TNFSF4: variants seen among roughly 807,000 people sequenced by gnomAD.
The protein encoded by TNFSF4 is TNF superfamily member 4.
A neutral mutation model predicts 7.3 loss-of-function variants in TNFSF4; 4 were observed. The ratio of observed to expected loss-of-function variants is 0.55; its 90% confidence interval spans 0.27 to 1.25. The LOEUF is 1.25. TNFSF4 is among the 50% of genes most tolerant of loss of function. The pLI is 0.12. For missense variants in TNFSF4, 181 were observed against 208.8 expected, an observed-to-expected ratio of 0.87 and a Z score of 0.82; for synonymous variants, 76 against 83.7, an observed-to-expected ratio of 0.91 and a Z score of 0.50.
At chr1:173,314,005 G>C in the TNFSF4 span, among the ~76,000 whole-genome samples, 10,071 of 151,724 alleles carry the variant, frequency 0.066, 514 homozygotes, top group Non-Finnish European at 0.099. Flanking sequence ...ATATTTTGCT[G>C]CATTGACTTT....
At chr1:173,367,358 C>A in the TNFSF4 span, among the ~76,000 whole-genome samples, 1 of 152,220 alleles carries the variant, frequency 6.6e-6, no homozygotes, top group Admixed American at 6.5e-5. Context: ...CCAGATGAAT[C>A]AGCACAGAGG....
the TNFSF4 span, among the ~76,000 whole-genome samples, chr1:173,316,752 T>C: frequency 2.6e-5 from 4 of 152,252 alleles, no homozygotes; most frequent in Non-Finnish European, 5.9e-5. Flanking sequence ...AAAATTGACA[T>C]GTAATCATTG....
At chr1:173,352,289 A>G in the TNFSF4 span, among the ~76,000 whole-genome samples, 1 of 152,192 alleles carries the variant, frequency 6.6e-6, no homozygotes, top group South Asian at 2.1e-4. Context: ...TGCTGTGACC[A>G]TGTTAGTCAA....
At chr1:173,321,505 G>T in the TNFSF4 span, among the ~76,000 whole-genome samples, 1 of 152,060 alleles carries the variant, frequency 6.6e-6, no homozygotes, top group Non-Finnish European at 1.5e-5. Flanking sequence ...AAGAGCTTCT[G>T]TACAGCAAAA....
chr1:173,447,838 G>A, the TNFSF4 span, among the ~76,000 whole-genome samples: 1 of 151,970 alleles, frequency 6.6e-6, no homozygotes, highest in Non-Finnish European at 1.5e-5. Context: ...CATCGAGTTT[G>A]TCAAATTTGA....
the TNFSF4 span, among the ~76,000 whole-genome samples, chr1:173,220,178 GT>G: frequency 8.6e-5 from 13 of 151,790 alleles, no homozygotes; most frequent in East Asian, 3.9e-4. Flanking sequence ...TGAAAATAAA[GT>G]TTTTTTTAAA....
At chr1:173,277,962 C>T in the TNFSF4 span, among the ~76,000 whole-genome samples, 525 of 152,126 alleles carry the variant, frequency 3.5e-3, 5 homozygotes, top group African/African-American at 0.012. Context: ...AGAATGACAC[C>T]ACGAAGAATC....
the TNFSF4 span, among the ~76,000 whole-genome samples, chr1:173,298,397 G>C: frequency 6.6e-5 from 10 of 151,754 alleles, no homozygotes; most frequent in Non-Finnish European, 1.3e-4. Flanking sequence ...CAGCTGATTT[G>C]TCTGTCTATT....
At chr1:173,359,700 T>A in the TNFSF4 span, among the ~76,000 whole-genome samples, 1 of 142,426 alleles carries the variant, frequency 7.0e-6, no homozygotes, top group Admixed American at 7.4e-5. Context: ...GGATGCTCTA[T>A]CTGTCCTAAA....
chr1:173,319,421 G>A, the TNFSF4 span, among the ~76,000 whole-genome samples: 1 of 152,224 alleles, frequency 6.6e-6, no homozygotes, highest in Non-Finnish European at 1.5e-5. Context: ...AGCTTCAGCG[G>A]ATTTAATCTT....
the TNFSF4 span, among the ~76,000 whole-genome samples, chr1:173,309,686 G>A: frequency 2.9e-4 from 44 of 151,294 alleles, no homozygotes; most frequent in Non-Finnish European, 1.3e-4. Context: ...TTAATGTTAT[G>A]CTAGCCTTAT....
chr1:173,342,601 C>T, the TNFSF4 span, among the ~76,000 whole-genome samples: 1 of 152,168 alleles, frequency 6.6e-6, no homozygotes, highest in South Asian at 2.1e-4. Context: ...TTTCTCTTAT[C>T]AACTGCCTGT....
the TNFSF4 span, among the ~76,000 whole-genome samples, chr1:173,382,379 G>A: frequency 1.4e-3 from 220 of 152,232 alleles, 2 homozygotes; most frequent in African/African-American, 4.9e-3. Context: ...AACACTCACC[G>A]TGAGGGTCCA....
the TNFSF4 span, among the ~76,000 whole-genome samples, chr1:173,420,772 C>A: frequency 6.6e-6 from 1 of 152,116 alleles, no homozygotes; most frequent in Admixed American, 6.5e-5. Flanking sequence ...AATTACATAA[C>A]TAATTTACTA....
the TNFSF4 span, among the ~76,000 whole-genome samples, chr1:173,355,479 T>C: frequency 6.6e-6 from 1 of 152,142 alleles, no homozygotes; most frequent in East Asian, 1.9e-4. Flanking sequence ...TAAGGAAGCA[T>C]CTCAGTTCTT....
chr1:173,374,317 T>C, the TNFSF4 span, among the ~76,000 whole-genome samples: 1 of 152,154 alleles, frequency 6.6e-6, no homozygotes. Flanking sequence ...GGAGATCTAG[T>C]GTTGGTCAAG....
the TNFSF4 span, among the ~76,000 whole-genome samples, chr1:173,328,155 C>T: frequency 6.6e-6 from 1 of 151,970 alleles, no homozygotes; most frequent in South Asian, 2.1e-4. Context: ...ACATATACAC[C>T]ATGGAATACT....
the TNFSF4 span, among the ~76,000 whole-genome samples, chr1:173,175,791 A>C: frequency 6.6e-6 from 1 of 152,204 alleles, no homozygotes. Context: ...TGTCTAGACT[A>C]AGCTTGGGAC....
chr1:173,296,480 TAA>T, the TNFSF4 span, among the ~76,000 whole-genome samples: 1 of 151,956 alleles, frequency 6.6e-6, no homozygotes. Flanking sequence ...GTTTTCATAG[TAA>T]TCTAAATCAG....
Sources: allele counts gnomAD v4.1 joint callset (sites outside exome capture counted in the v4.1 genomes callset), GRCh38; gene constraint gnomAD v4.1.1; transcripts MANE v1.5; gene names NCBI Gene and HGNC (gene_info 2026-07-23, HGNC 2026-07-21).